PPP2R2B: variants seen among roughly 807,000 people sequenced by gnomAD.
PPP2R2B encodes serine/threonine-protein phosphatase 2A 55 kDa regulatory subunit B beta isoform.
In PPP2R2B, 5 loss-of-function variants were observed where a neutral mutation model predicts 46.0. The observed-to-expected ratio is 0.11, with a 90% CI of 0.06 to 0.23. The LOEUF is 0.23. Ranked by LOEUF, PPP2R2B falls within the 10% of genes least tolerant of loss-of-function variation. The probability of loss-of-function intolerance (pLI) is 1.00; values close to 1 mark genes in which losing one functional copy is unlikely to be tolerated. For missense variants in PPP2R2B, 367 were observed against 575.0 expected (o/e 0.64, Z 3.70); for synonymous variants, 215 against 206.7 (o/e 1.04, Z -0.34).
chr5:146,930,955 A>G (rs983287861), intron 1 of PPP2R2B, among the ~76,000 whole-genome samples: 2 of 152,132 alleles, frequency 1.3e-5, no homozygotes, highest in African/African-American at 4.8e-5. Context: ...TTAATTGCTC[A>G]CCATATTATA....
chr5:146,948,304 T>A (rs1477043584), intron 1 of PPP2R2B, among the ~76,000 whole-genome samples: 1 of 152,052 alleles, frequency 6.6e-6, no homozygotes, highest in Non-Finnish European at 1.5e-5. Context: ...AAATATATTA[T>A]CTACTCTGTC....
intron 2 of PPP2R2B, among the ~76,000 whole-genome samples, chr5:146,850,988 T>C (rs540387293): frequency 6.6e-6 from 1 of 152,252 alleles, no homozygotes; most frequent in East Asian, 1.9e-4. Flanking sequence ...ATTTGATTGG[T>C]CACCCCAAGG....
At chr5:146,601,205 C>T (rs1239072885) in intron 7 of PPP2R2B, among the ~76,000 whole-genome samples, 2 of 152,112 alleles carry the variant, frequency 1.3e-5, no homozygotes, top group African/African-American at 2.4e-5. Context: ...GAGTTGTTTC[C>T]ACTTTTTAGC....
intron 2 of PPP2R2B, among the ~76,000 whole-genome samples, chr5:146,844,353 TAAAAAA>T (rs541590190): frequency 1.5e-5 from 2 of 136,374 alleles, no homozygotes; most frequent in African/African-American, 5.4e-5. Flanking sequence ...TAGAGTATAA[TAAAAAA>T]AAAAAAACAT....
At chr5:147,012,274 C>A (rs1271385790) in intron 1 of PPP2R2B, among the ~76,000 whole-genome samples, 1 of 152,098 alleles carries the variant, frequency 6.6e-6, no homozygotes, top group East Asian at 1.9e-4. Context: ...TTGGTCTATT[C>A]AGAGATTCAA....
chr5:146,854,774 C>A (rs1179875329), intron 2 of PPP2R2B, among the ~76,000 whole-genome samples: 2 of 152,134 alleles, frequency 1.3e-5, no homozygotes, highest in Non-Finnish European at 2.9e-5. Context: ...TGGAGAAGGG[C>A]ACTGTCTTTG....
chr5:146,665,968 A>G (rs978745410), intron 5 of PPP2R2B, among the ~76,000 whole-genome samples: 11 of 152,240 alleles, frequency 7.2e-5, no homozygotes, highest in Admixed American at 3.3e-4. Context: ...TTTAACTTGT[A>G]AAAAACATAC....
rs1325102397 is a variant in PPP2R2B, at chr5:146,613,785, A to C, written c.791-13325T>G. On this transcript the variant is annotated intron_variant, in intron 7 of 9. Transcript: ENST00000394411. ...AGAGAATAAAATACCTAGGAATCCA[A>C]CTTACAAGGGATAGGAAGGACCTCT... Among the ~76,000 whole-genome samples the C allele has an allele frequency of 3.5e-5, 5 of 143,230 alleles. 1 individual carries two copies. The highest frequency in any genetic ancestry group is 3.5e-3 in the Middle Eastern group (1 of 284). 94.0% of individuals were successfully genotyped at this position (143,230 alleles called of 152,430 possible). A position where few individuals can be genotyped will look rare whatever the true frequency, so the allele number is the denominator to read the frequency against.
chr5:146,837,586 TA>T (rs1021641016), intron 2 of PPP2R2B, among the ~76,000 whole-genome samples: 2 of 152,102 alleles, frequency 1.3e-5, no homozygotes, highest in African/African-American at 4.8e-5. Flanking sequence ...CATTAAAAAG[TA>T]AAAAAAGGTA....
chr5:146,607,910 G>A (rs1772441160), intron 7 of PPP2R2B: 2 of 152,210 alleles, frequency 1.3e-5, no homozygotes, highest in East Asian at 1.9e-4. Context: ...TAGACAATAT[G>A]TAAACAGATG....
chr5:146,949,403 G>T (rs1764583737), intron 1 of PPP2R2B, among the ~76,000 whole-genome samples: 1 of 152,012 alleles, frequency 6.6e-6, no homozygotes, highest in Admixed American at 6.6e-5. Context: ...ATATAAAAGT[G>T]CTCAATGTCA....
intron 1 of PPP2R2B, among the ~76,000 whole-genome samples, chr5:146,945,227 G>A (rs901778697): frequency 6.6e-6 from 1 of 152,122 alleles, no homozygotes. Context: ...ACCAAACAGG[G>A]TAGTGAGGAC....
At chr5:146,917,185 A>T (rs181602481) in intron 1 of PPP2R2B, among the ~76,000 whole-genome samples, 1 of 152,318 alleles carries the variant, frequency 6.6e-6, no homozygotes, top group East Asian at 1.9e-4. Flanking sequence ...AGCAAGCTGC[A>T]TCATAGTTGC....
At chr5:146,990,588 T>C (rs1347454430) in intron 1 of PPP2R2B, among the ~76,000 whole-genome samples, 2 of 151,968 alleles carry the variant, frequency 1.3e-5, no homozygotes, top group Admixed American at 6.6e-5. Flanking sequence ...TTAAGACAAA[T>C]ACAAGGCTTA....
At chr5:146,638,195 C>T in intron 7 of PPP2R2B, 56 bp downstream of exon 7, 3 of 1,566,570 alleles carry the variant, frequency 1.9e-6, no homozygotes, top group Admixed American at 3.4e-5. Flanking sequence ...CAGGCTCTCC[C>T]CCAGCACATT....
At chr5:146,596,869 A>G (rs927615259) in intron 8 of PPP2R2B, among the ~76,000 whole-genome samples, 4 of 152,152 alleles carry the variant, frequency 2.6e-5, no homozygotes, top group Admixed American at 2.0e-4. Flanking sequence ...CTGGCTCCCA[A>G]ACCTTTCTCC....
intron 2 of PPP2R2B, among the ~76,000 whole-genome samples, chr5:146,874,086 C>T (rs1179040892): frequency 3.9e-5 from 6 of 152,310 alleles, no homozygotes; most frequent in Admixed American, 1.3e-4. Context: ...CTTGAACTCC[C>T]GATCTAAATT....
chr5:146,882,290 C>T (rs1035162835), upstream of PPP2R2B, among the ~76,000 whole-genome samples: 1 of 151,576 alleles, frequency 6.6e-6, no homozygotes, highest in Non-Finnish European at 1.5e-5. Flanking sequence ...AAAAGAATTG[C>T]TCTAGGTGCC....
At chr5:146,849,939 G>GA (rs1760240044) in intron 2 of PPP2R2B, among the ~76,000 whole-genome samples, 1 of 152,170 alleles carries the variant, frequency 6.6e-6, no homozygotes, top group African/African-American at 2.4e-5. Context: ...TAGCACAGCA[G>GA]AAAAACCAAT....
Sources: allele counts gnomAD v4.1 joint callset (sites outside exome capture counted in the v4.1 genomes callset), GRCh38; gene constraint gnomAD v4.1.1; transcripts MANE v1.5; gene names NCBI Gene and HGNC (gene_info 2026-07-23, HGNC 2026-07-21).